Variants in ZNF248 observed in about 807,000 individuals in gnomAD.
The protein encoded by ZNF248 is zinc finger protein 248.
ZNF248 carries 20 observed loss-of-function variants against 44.3 expected under a neutral mutation model. That is an observed-to-expected ratio of 0.45 (90% CI 0.32 to 0.66). ZNF248 has a LOEUF of 0.66. ZNF248 is among the 30% of genes least tolerant of loss of function. The pLI is 0.04. For missense variants in ZNF248, 654 were observed against 677.0 expected (o/e 0.97, Z 0.38); for synonymous variants, 224 against 229.0 (o/e 0.98, Z 0.20).
intron 6 of ZNF248, among the ~76,000 whole-genome samples, chr10:37,782,048 C>A (rs1028613096): frequency 6.6e-6 from 1 of 152,188 alleles, no homozygotes; most frequent in African/African-American, 2.4e-5. Context: ...CAGTTACAGA[C>A]ACTTGAGTAT....
intron 6 of ZNF248, among the ~76,000 whole-genome samples, chr10:37,804,466 C>T (rs2050266815): frequency 1.3e-5 from 2 of 152,124 alleles, no homozygotes; most frequent in Non-Finnish European, 2.9e-5. Flanking sequence ...CAAGGTCTCA[C>T]TCTGTCACCC....
At chr10:37,826,075 G>A (rs2133761694), downstream of ZNF248, among the ~76,000 whole-genome samples, 1 of 152,294 alleles carries the variant, frequency 6.6e-6, no homozygotes, top group Middle Eastern at 3.4e-3. Flanking sequence ...GAAATTTTAA[G>A]TAGTCGTAAA....
At position 37,839,948 on chromosome 10, in the gene ZNF248, G is replaced by A. The variant is rs140754762; in HGVS notation, c.16-1837C>T. On this transcript the variant is annotated intron_variant, in intron 3 of 5. Transcript: ENST00000395867. ...TTTGGGCCATAAAACACACCTTAACGAACTTAATGCAATAGCTATCATAAA... is the reference window on the plus strand; with the variant it reads ...TTTGGGCCATAAAACACACCTTAACAAACTTAATGCAATAGCTATCATAAA... 5.2e-3 allele frequency among the ~76,000 whole-genome samples: 794 copies of A among 152,194 alleles called. 6 individuals are homozygous for A. Among genetic ancestry groups the A allele is most frequent in the Non-Finnish European group, 7.4e-3 (501 of 68,000 alleles).
rs186922012 is a variant in ZNF248, at chr10:37,780,845, C to G, written c.331-4270G>C. ...CCTCAGCTCGCCTGCTTGTCACACTCGGGCTGAATCCGCTCCCGGAGTGGT... is the reference window on the plus strand; with the variant it reads ...CCTCAGCTCGCCTGCTTGTCACACTGGGGCTGAATCCGCTCCCGGAGTGGT... On this transcript the variant is annotated intron_variant, in intron 6 of 6. Coordinates refer to the ZNF248 transcript ENST00000615949. Among the ~76,000 whole-genome samples the G allele has an allele frequency of 1.4e-4, 21 of 152,282 alleles. No individual in the cohort carries two copies. In the East Asian group the frequency reaches 3.7e-3, roughly 27 times the overall value.
intron 6 of ZNF248, among the ~76,000 whole-genome samples, chr10:37,790,196 G>A (rs1020620893): frequency 1.8e-4 from 27 of 151,594 alleles, no homozygotes; most frequent in Admixed American, 3.3e-4. Flanking sequence ...GCGTGAACCC[G>A]GGAGGCGGAG....
chr10:37,850,034 G>A (rs1274028906), intron 3 of ZNF248, among the ~76,000 whole-genome samples: 1 of 152,026 alleles, frequency 6.6e-6, no homozygotes, highest in African/African-American at 2.4e-5. Context: ...TCACACCACT[G>A]CACCCCAGCC....
At chr10:37,796,049 T>C (rs1378929227) in intron 6 of ZNF248, 1 of 152,188 alleles carries the variant, frequency 6.6e-6, no homozygotes, top group Non-Finnish European at 1.5e-5. Flanking sequence ...TGGCTTCAAA[T>C]ACATTTCTCT....
intron 3 of ZNF248, among the ~76,000 whole-genome samples, chr10:37,855,122 A>G (rs2135020140): frequency 6.6e-6 from 1 of 152,366 alleles, no homozygotes; most frequent in East Asian, 1.9e-4. Context: ...AAACTGGATA[A>G]AGAAACACTG....
At position 37,831,972 on chromosome 10, in the gene ZNF248, C is replaced by G; in HGVS notation, c.1383G>C (p.Glu461Asp). ...CACATGCATTACATTCATAGGGCTT[C>G]TCCCCTGTGTGTGTTCTCTGATGTT... The part of the protein sequence containing the change: ...LTEHQRTHTG[E>D]KPYECNACGK... The change falls in exon 6 of 6, where the codon GAG (glutamate) becomes GAC (aspartate). Residue 461 changes from glutamate (E) to aspartate (D), a missense_variant. Physicochemically the swap from Glu to Asp is conservative, Grantham distance 45. Transcript: ENST00000395867. The G allele has an allele frequency of 6.2e-7, 1 of 1,614,050 alleles. No homozygotes were observed. The highest frequency in any genetic ancestry group is 1.3e-5 in the African/African-American group (1 of 75,034).
chr10:37,804,892 TAATA>T (rs968105788), intron 6 of ZNF248, among the ~76,000 whole-genome samples: 1 of 152,230 alleles, frequency 6.6e-6, no homozygotes, highest in African/African-American at 2.4e-5. Flanking sequence ...TGTATAATGA[TAATA>T]AACATTATTT....
At chr10:37,808,706 G>A (rs146045050) in intron 6 of ZNF248, among the ~76,000 whole-genome samples, 1 of 152,208 alleles carries the variant, frequency 6.6e-6, no homozygotes, top group Non-Finnish European at 1.5e-5. Context: ...ATCTTTGTAT[G>A]GCTGTGATAT....
At chr10:37,767,099 AG>A in the ZNF248 span, among the ~76,000 whole-genome samples, 1 of 152,238 alleles carries the variant, frequency 6.6e-6, no homozygotes, top group African/African-American at 2.4e-5. Flanking sequence ...AAACGAGCAA[AG>A]CCTCCAAGAA....
chr10:37,824,952 T>C (rs1244490200), downstream of ZNF248, among the ~76,000 whole-genome samples: 2 of 151,100 alleles, frequency 1.3e-5, no homozygotes, highest in East Asian at 3.9e-4. Flanking sequence ...CCTCCCAAAG[T>C]GCTGGGATTA....
chr10:37,791,293 C>T (rs948698079), intron 6 of ZNF248, among the ~76,000 whole-genome samples: 5 of 151,892 alleles, frequency 3.3e-5, no homozygotes, highest in Non-Finnish European at 4.4e-5. Context: ...CCACCTACCT[C>T]GGCCTCCCAA....
intron 3 of ZNF248, among the ~76,000 whole-genome samples, chr10:37,840,611 C>T (rs2058156445): frequency 6.6e-6 from 1 of 152,064 alleles, no homozygotes; most frequent in African/African-American, 2.4e-5. Flanking sequence ...TTGGCAATTT[C>T]TTACAAAGCT....
intron 3 of ZNF248, among the ~76,000 whole-genome samples, chr10:37,849,404 G>A (rs547093533): frequency 1.3e-3 from 204 of 152,204 alleles, no homozygotes; most frequent in Admixed American, 3.1e-3. Context: ...AGAAACGGCC[G>A]GGCACAGTGG....
rs756608509 is a variant in ZNF248, at chr10:37,832,344, T to C, written c.1011A>G (p.Ser337=). ...GTACTATTTGATGTTTTAAGAGAGC[T>C]GACTTTTCCCAGGTTTTGTCACTCA... ...YKVSDKTWEK[S]ALLKHQIVHM... is the part of the protein sequence containing the mutation. Residue 337 remains serine, a synonymous_variant, in exon 6 of 6, where the codon TCA becomes TCG. Transcript: ENST00000395867. 1.2e-6 allele frequency: 2 copies of C among 1,614,088 alleles called. No homozygotes were observed. The highest frequency in any genetic ancestry group is 1.3e-5 in the African/African-American group (1 of 75,054).
the ZNF248 span, among the ~76,000 whole-genome samples, chr10:37,770,561 C>T: frequency 1.3e-5 from 2 of 152,138 alleles, no homozygotes; most frequent in Admixed American, 6.5e-5. Context: ...GGAAAACTGG[C>T]TAGCCATATG....
In ZNF248 at chr10:37,798,423, T is replaced by C. The variant is rs192604874; in HGVS notation, c.331-21848A>G. Among the ~76,000 whole-genome samples the C allele has an allele frequency of 6.1e-3, 922 of 152,268 alleles. 10 individuals are homozygous for C. The highest frequency in any genetic ancestry group is 0.021 in the African/African-American group (880 of 41,564). On this transcript the variant is annotated intron_variant, in intron 6 of 6. Transcript: ENST00000615949. ...CTAAAAACTAGTGGATGTTGTGGTA[T>C]GTGACTTTCATCTCAATAAAAAAAT...
Sources: gnomAD v4.1 joint callset for allele counts (sites outside exome capture counted in the v4.1 genomes callset) on GRCh38, gnomAD v4.1.1 for gene constraint, MANE v1.5 for transcripts, NCBI Gene and HGNC (gene_info 2026-07-23, HGNC 2026-07-21) for gene names.